Variants in KCND2 observed in about 807,000 individuals in gnomAD.
KCND2 encodes A-type voltage-gated potassium channel KCND2.
A neutral mutation model predicts 54.4 loss-of-function variants in KCND2; 16 were observed. That is an observed-to-expected ratio of 0.29 (90% CI 0.20 to 0.45). The LOEUF is 0.45. Ranked by LOEUF, KCND2 falls within the 20% of genes least tolerant of loss-of-function variation. KCND2 has a pLI of 1.00. For missense variants in KCND2, 486 were observed against 824.2 expected, an observed-to-expected ratio of 0.59 and a Z score of 5.02; for synonymous variants, 317 against 310.7, an observed-to-expected ratio of 1.02 and a Z score of -0.21.
intron 1 of KCND2, among the ~76,000 whole-genome samples, chr7:120,341,952 G>A (rs1242985525): frequency 1.3e-5 from 2 of 152,246 alleles, no homozygotes; most frequent in East Asian, 3.9e-4. Flanking sequence ...AGAAACTATA[G>A]TAACAATAGA....
intron 1 of KCND2, among the ~76,000 whole-genome samples, chr7:120,698,492 A>G (rs1792359950): frequency 1.3e-5 from 2 of 152,248 alleles, no homozygotes; most frequent in South Asian, 2.1e-4. Flanking sequence ...GATGATACAT[A>G]TAAAACAGTA....
chr7:120,367,562 G>C lies in KCND2; in HGVS notation c.1115+91815G>C, dbSNP rs1001004992. 4.1e-5 allele frequency among the ~76,000 whole-genome samples: 6 copies of C among 146,522 alleles called. No homozygotes were observed. In the East Asian group the frequency reaches 1.2e-3, roughly 30 times the overall value. On this transcript the variant is annotated intron_variant, in intron 1 of 5. Coordinates refer to ENST00000331113, the MANE Select transcript of KCND2 (RefSeq NM_012281.3). The stretch of plus-strand genomic sequence containing the variant: ...TATGGGAAATTTCAGAAAATCCATA[G>C]TTAAAAAAAAAAAAGAAAGATAATT...
rs1179753535 is a variant in KCND2, at chr7:120,749,962, T to G, written c.*2104T>G. 6.6e-6 allele frequency: 1 copy of G among 151,958 alleles called. No homozygotes were observed. The highest frequency in any genetic ancestry group is 1.5e-5 in the Non-Finnish European group (1 of 67,850). The allele number at this position is 151,958 out of a possible 1,614,324, so 9.4% of individuals were successfully genotyped here. ...CTATTTTCATGTTCTTAATATTACA[T>G]ACAAGAAAATGCAGTTAGGTTATTT... On this transcript the variant is annotated 3_prime_UTR_variant, in exon 6 of 6. Transcript: ENST00000331113.
At chr7:120,290,745 G>A (rs1220186073) in intron 1 of KCND2, among the ~76,000 whole-genome samples, 1 of 151,798 alleles carries the variant, frequency 6.6e-6, no homozygotes, top group Non-Finnish European at 1.5e-5. Context: ...ATATATATAT[G>A]CTTTTTTTTC....
At chr7:120,533,166 G>A (rs532813350) in intron 1 of KCND2, among the ~76,000 whole-genome samples, 1 of 152,014 alleles carries the variant, frequency 6.6e-6, no homozygotes, top group Admixed American at 6.6e-5. Flanking sequence ...TAAATTCAAG[G>A]ACTTCAAGAG....
chr7:120,647,042 T>C (rs556691589), intron 1 of KCND2, among the ~76,000 whole-genome samples: 1 of 152,232 alleles, frequency 6.6e-6, no homozygotes, highest in African/African-American at 2.4e-5. Context: ...AGTATTTCTT[T>C]TACCTGAAAT....
intron 1 of KCND2, among the ~76,000 whole-genome samples, chr7:120,473,722 G>GT (rs1005519949): frequency 1.3e-5 from 2 of 152,092 alleles, no homozygotes; most frequent in Admixed American, 6.5e-5. Flanking sequence ...CCAATCCAAA[G>GT]TTTTTTTAAA....
At chr7:120,712,914 T>TA (rs1792558128) in intron 1 of KCND2, among the ~76,000 whole-genome samples, 2 of 152,156 alleles carry the variant, frequency 1.3e-5, no homozygotes, top group South Asian at 4.1e-4. Flanking sequence ...ACAACACCTG[T>TA]AGATGTAGTC....
chr7:120,473,862 A>G (rs1371598922), intron 1 of KCND2, among the ~76,000 whole-genome samples: 1 of 152,168 alleles, frequency 6.6e-6, no homozygotes, highest in Non-Finnish European at 1.5e-5. Context: ...CTGGGAGAGA[A>G]AGGAGGTTTC....
intron 1 of KCND2, among the ~76,000 whole-genome samples, chr7:120,276,099 T>C (rs930242189): frequency 6.6e-6 from 1 of 152,182 alleles, no homozygotes; most frequent in South Asian, 2.1e-4. Flanking sequence ...ATATATACAA[T>C]GTATATTGAA....
intron 1 of KCND2, among the ~76,000 whole-genome samples, chr7:120,582,168 G>T (rs1245268807): frequency 6.6e-6 from 1 of 151,960 alleles, no homozygotes; most frequent in Admixed American, 6.6e-5. Flanking sequence ...CTTGGCCTGT[G>T]GTCACTCTGA....
rs1457263392 is a variant in KCND2 at position 120,656,148 on chromosome 7, T to C, written c.1116-76755T>C. 6.6e-5 allele frequency among the ~76,000 whole-genome samples: 10 copies of C among 152,148 alleles called. No homozygotes were observed. The East Asian group carries it at 1.9e-3, about 29-fold the overall frequency. ...TGCATTATCTATATTATGTATTTAA[T>C]ACTGAAAGAAGTTTTATACTAGCCC... On this transcript the variant is annotated intron_variant, in intron 1 of 5. Coordinates refer to ENST00000331113, the MANE Select transcript of KCND2 (RefSeq NM_012281.3).
At chr7:120,699,375 A>G (rs980065399) in intron 1 of KCND2, among the ~76,000 whole-genome samples, 5 of 152,224 alleles carry the variant, frequency 3.3e-5, no homozygotes, top group Non-Finnish European at 7.3e-5. Context: ...TTTATTCCAA[A>G]GCATTTCTTG....
intron 1 of KCND2, among the ~76,000 whole-genome samples, chr7:120,713,596 G>T (rs1792567165): frequency 6.6e-6 from 1 of 152,122 alleles, no homozygotes; most frequent in African/African-American, 2.4e-5. Context: ...TTCAAGCAGG[G>T]CATAAATCTG....
chr7:120,478,639 A>C (rs1802563315), intron 1 of KCND2, among the ~76,000 whole-genome samples: 1 of 152,134 alleles, frequency 6.6e-6, no homozygotes, highest in Admixed American at 6.5e-5. Flanking sequence ...GATTTGCATA[A>C]ATATTTTTGA....
chr7:120,320,289 G>A (rs917989113), intron 1 of KCND2, among the ~76,000 whole-genome samples: 1 of 152,154 alleles, frequency 6.6e-6, no homozygotes, highest in Non-Finnish European at 1.5e-5. Context: ...GTTAAGGAAA[G>A]ATTAACTTCT....
intron 1 of KCND2, among the ~76,000 whole-genome samples, chr7:120,539,685 A>G (rs1015116479): frequency 2.0e-5 from 3 of 152,190 alleles, no homozygotes; most frequent in Non-Finnish European, 2.9e-5. Context: ...TCATACACAT[A>G]TAGATAGTGA....
At chr7:120,539,913 G>A (rs1290745655) in intron 1 of KCND2, among the ~76,000 whole-genome samples, 1 of 152,022 alleles carries the variant, frequency 6.6e-6, no homozygotes, top group Non-Finnish European at 1.5e-5. Context: ...CAATAACTAG[G>A]TATCCCAGTT....
At chr7:120,304,461 C>A (rs1584721104) in intron 1 of KCND2, among the ~76,000 whole-genome samples, 1 of 152,094 alleles carries the variant, frequency 6.6e-6, no homozygotes, top group African/African-American at 2.4e-5. Flanking sequence ...AATGTGTGGC[C>A]TCCATGCCGG....
Sources: gnomAD v4.1 joint callset for allele counts (sites outside exome capture counted in the v4.1 genomes callset) on GRCh38, gnomAD v4.1.1 for gene constraint, MANE v1.5 for transcripts, NCBI Gene and HGNC (gene_info 2026-07-23, HGNC 2026-07-21) for gene names.